USH2A: variants seen among roughly 807,000 people sequenced by gnomAD.
USH2A encodes Usher syndrome 2A (autosomal recessive, mild).
A neutral mutation model predicts 538.9 loss-of-function variants in USH2A; 443 were observed. That is an observed-to-expected ratio of 0.82 (90% CI 0.76 to 0.89). USH2A has a LOEUF of 0.89. Ranked by LOEUF, USH2A falls within the 40% of genes least tolerant of loss-of-function variation. USH2A has a pLI of 0.00. For missense variants in USH2A, 6,633 were observed against 6,324.8 expected (o/e 1.05, Z -1.65); for synonymous variants, 2,413 against 2,273.5 (o/e 1.06, Z -1.75).
intron 4 of USH2A, among the ~76,000 whole-genome samples, chr1:216,357,438 A>C (rs1272226135): frequency 6.6e-6 from 1 of 152,096 alleles, no homozygotes; most frequent in Non-Finnish European, 1.5e-5. Context: ...AGAGGTTAGA[A>C]ATGTGAACCC....
At position 216,156,295 on chromosome 1, in the gene USH2A, C is replaced by CT. The variant is rs35698520; in HGVS notation, c.4627+18956dup. Among the ~76,000 whole-genome samples, 333 of 105,510 alleles carry CT rather than the reference C, an allele frequency of 3.2e-3. 4 individuals carry two copies. Among genetic ancestry groups the CT allele is most frequent in the African/African-American group, 0.011 (296 of 27,836 alleles). 69.2% of individuals were successfully genotyped at this position (105,510 alleles called of 152,430 possible). A position where few individuals can be genotyped will look rare whatever the true frequency, so the allele number is the denominator to read the frequency against. On this transcript the variant is annotated intron_variant, in intron 21 of 71. Transcript: ENST00000307340. The stretch of plus-strand genomic sequence containing the variant: ...TTCTTTCTTTCTTTCTTTTTTTTTT[C>CT]TTTTTTTTTTTTTTTTTGGCCTAGC...
chr1:216,159,160 T>C (rs2034005362), intron 21 of USH2A, among the ~76,000 whole-genome samples: 1 of 152,156 alleles, frequency 6.6e-6, no homozygotes, highest in Non-Finnish European at 1.5e-5. Context: ...TACTTCTTCT[T>C]TGACATACCT....
At chr1:215,995,365 G>C (rs899087240) in intron 34 of USH2A, among the ~76,000 whole-genome samples, 3 of 152,194 alleles carry the variant, frequency 2.0e-5, no homozygotes, top group African/African-American at 7.2e-5. Context: ...TAAAGAGGCT[G>C]CTGAAATAAC....
chr1:216,329,194 C>T (rs1264316408), intron 4 of USH2A, among the ~76,000 whole-genome samples: 1 of 152,120 alleles, frequency 6.6e-6, no homozygotes, highest in Non-Finnish European at 1.5e-5. Context: ...TTGCAGAAAT[C>T]TTTAGAAGAT....
rs1268357710 is a variant in USH2A, at chr1:216,291,469, A to T, written c.1840+706T>A. 3.9e-5 allele frequency among the ~76,000 whole-genome samples: 6 copies of T among 152,124 alleles called. No homozygotes were observed. The East Asian group carries it at 1.2e-3, about 29-fold the overall frequency. Reference sequence around the variant, plus strand: ...CCAAAGACAGAAAATTCATTGTCTTATTCATCTTCATGTCCCCAGCACCTA... The same window carrying T: ...CCAAAGACAGAAAATTCATTGTCTTTTTCATCTTCATGTCCCCAGCACCTA... On this transcript the variant is annotated intron_variant, in intron 10 of 71. Transcript: ENST00000307340.
intron 3 of USH2A, among the ~76,000 whole-genome samples, chr1:216,377,858 A>AGAAAGAAG (rs2038861490): frequency 2.8e-5 from 4 of 142,658 alleles, no homozygotes; most frequent in South Asian, 4.5e-4. Flanking sequence ...AAAGAAAGAA[A>AGAAAGAAG]GAAAGAAAGA....
intron 11 of USH2A, among the ~76,000 whole-genome samples, chr1:216,279,973 G>A (rs1383081377): frequency 6.6e-6 from 1 of 151,756 alleles, no homozygotes; most frequent in Non-Finnish European, 1.5e-5. Context: ...AAAGGATGGA[G>A]ACAAGCGGCT....
At chr1:216,243,778 C>T (rs973782611) in intron 13 of USH2A, among the ~76,000 whole-genome samples, 1 of 152,196 alleles carries the variant, frequency 6.6e-6, no homozygotes, top group South Asian at 2.1e-4. Flanking sequence ...TTTTACAATA[C>T]GCTGTTGAAT....
intron 46 of USH2A, among the ~76,000 whole-genome samples, chr1:215,839,712 G>A (rs1374404943): frequency 6.6e-6 from 1 of 151,884 alleles, no homozygotes; most frequent in Non-Finnish European, 1.5e-5. Context: ...CTCCATTTTG[G>A]GACCTATTTC....
rs1663510428 is a variant in USH2A, at chr1:215,836,499, ATATATAT to A, written c.9371+1485_9371+1491del. 2.8e-4 allele frequency among the ~76,000 whole-genome samples: 2 copies of A among 7,128 alleles called. 1 individual carries two copies. 4.7% of individuals were successfully genotyped at this position (7,128 alleles called of 152,430 possible). ...ATATATAATATATATTATATATATA[ATATATAT>A]TATATATATATAATATATATTATAT... On this transcript the variant is annotated intron_variant, in intron 47 of 71. Transcript: ENST00000307340.
intron 3 of USH2A, among the ~76,000 whole-genome samples, chr1:216,371,599 C>T (rs2102718651): frequency 6.6e-6 from 1 of 152,254 alleles, no homozygotes; most frequent in African/African-American, 2.4e-5. Flanking sequence ...CAAAGGTAGG[C>T]ATTTATATTT....
At chr1:215,816,205 A>C (rs1558111366) in intron 48 of USH2A, among the ~76,000 whole-genome samples, 1 of 152,086 alleles carries the variant, frequency 6.6e-6, no homozygotes, top group Non-Finnish European at 1.5e-5. Flanking sequence ...TGCATACTTA[A>C]TGGCATAAAA....
At chr1:216,044,943 G>A (rs558570733) in intron 32 of USH2A, among the ~76,000 whole-genome samples, 3 of 152,142 alleles carry the variant, frequency 2.0e-5, no homozygotes, top group African/African-American at 7.2e-5. Flanking sequence ...AGACTAGAGG[G>A]GGGCCAAAAA....
intron 4 of USH2A, among the ~76,000 whole-genome samples, chr1:216,355,375 G>GAAAGAAAGAAAGAAAGAAAGA (rs748251919): frequency 2.2e-5 from 3 of 133,942 alleles, no homozygotes; most frequent in Admixed American, 7.6e-5. Flanking sequence ...AAGAAAGAAA[G>GAAAGAAAGAAAGAAAGAAAGA]AAGGAAAGAA....
intron 52 of USH2A, among the ~76,000 whole-genome samples, chr1:215,785,299 A>G (rs920803977): frequency 1.2e-4 from 18 of 152,166 alleles, no homozygotes; most frequent in Admixed American, 9.8e-4. Context: ...TAGGATGATA[A>G]AGGAGGACAT....
intron 50 of USH2A, among the ~76,000 whole-genome samples, chr1:215,794,280 G>A (rs750893454): frequency 1.3e-5 from 2 of 152,184 alleles, no homozygotes; most frequent in Non-Finnish European, 2.9e-5. Context: ...TCAATTCAAT[G>A]TGATTTTGTT....
At chr1:215,983,630 A>AAC (rs1023367513) in intron 35 of USH2A, among the ~76,000 whole-genome samples, 12 of 152,094 alleles carry the variant, frequency 7.9e-5, no homozygotes, top group African/African-American at 2.4e-4. Flanking sequence ...CAAAAAAACA[A>AAC]ACACACACAC....
chr1:215,758,374 C>T (rs946404778), intron 58 of USH2A, among the ~76,000 whole-genome samples: 2 of 151,902 alleles, frequency 1.3e-5, no homozygotes, highest in African/African-American at 2.4e-5. Context: ...TATATACTTA[C>T]ATATCTACAT....
chr1:215,814,657 C>T (rs1194963641), intron 48 of USH2A, among the ~76,000 whole-genome samples: 1 of 152,076 alleles, frequency 6.6e-6, no homozygotes, highest in Non-Finnish European at 1.5e-5. Flanking sequence ...GTCCTTGCTT[C>T]CCCTTCACCT....
Sources: gnomAD v4.1 joint callset for allele counts (sites outside exome capture counted in the v4.1 genomes callset) on GRCh38, gnomAD v4.1.1 for gene constraint, MANE v1.5 for transcripts, NCBI Gene and HGNC (gene_info 2026-07-23, HGNC 2026-07-21) for gene names.